The following XKR4 variants were observed in gnomAD, a reference collection of about 807,000 sequenced individuals.
XKR4 encodes XK related 4.
In XKR4, 12 loss-of-function variants were observed where a neutral mutation model predicts 53.9. The ratio of observed to expected loss-of-function variants is 0.22; its 90% CI spans 0.14 to 0.36. The LOEUF (loss-of-function observed/expected upper bound fraction) is 0.36, where lower values mean the gene tolerates loss of function less well. Ranked by LOEUF, XKR4 falls within the 10% of genes least tolerant of loss-of-function variation. The pLI is 1.00. For synonymous variants in XKR4, 354 were observed against 362.4 expected (o/e 0.98, Z 0.26); for missense variants, 799 against 859.5 (o/e 0.93, Z 0.88).
chr8:55,302,607 A>AT (rs1395034194), intron 1 of XKR4, among the ~76,000 whole-genome samples: 2 of 152,160 alleles, frequency 1.3e-5, no homozygotes, highest in Non-Finnish European at 2.9e-5. Context: ...TTTTCATGAT[A>AT]TTGATTCTTC....
At chr8:55,302,621 C>T (rs201539715) in intron 1 of XKR4, among the ~76,000 whole-genome samples, 4 of 152,128 alleles carry the variant, frequency 2.6e-5, no homozygotes, top group African/African-American at 9.7e-5. Context: ...ATTCTTCCTA[C>T]CCATGAGCAT....
chr8:55,117,106 GGTT>G (rs1816320917), intron 1 of XKR4, among the ~76,000 whole-genome samples: 1 of 152,116 alleles, frequency 6.6e-6, no homozygotes, highest in Non-Finnish European at 1.5e-5. Flanking sequence ...TAATTTTACT[GGTT>G]GTTTTTTACT....
chr8:55,366,536 A>G (rs1803991228), intron 2 of XKR4, among the ~76,000 whole-genome samples: 1 of 152,092 alleles, frequency 6.6e-6, no homozygotes, highest in Non-Finnish European at 1.5e-5. Context: ...CAGCAAGCCT[A>G]CCTTATGTCC....
intron 2 of XKR4, among the ~76,000 whole-genome samples, chr8:55,494,897 C>T (rs1806319919): frequency 6.6e-6 from 1 of 152,178 alleles, no homozygotes. Flanking sequence ...TGCCCCCAGG[C>T]TTCATGACCT....
chr8:55,416,495 C>T (rs78922092), intron 2 of XKR4, among the ~76,000 whole-genome samples: 2,000 of 152,238 alleles, frequency 0.013, 41 homozygotes, highest in African/African-American at 0.045. Flanking sequence ...AGGATCTGGC[C>T]AGATATTACT....
At chr8:55,465,837 G>C (rs974511296) in intron 2 of XKR4, among the ~76,000 whole-genome samples, 33 of 152,116 alleles carry the variant, frequency 2.2e-4, no homozygotes, top group Admixed American at 6.5e-4. Flanking sequence ...GATATGAACA[G>C]ACACTTCTCA....
intron 2 of XKR4, among the ~76,000 whole-genome samples, chr8:55,456,720 A>G (rs1156396656): frequency 1.3e-5 from 2 of 152,242 alleles, no homozygotes; most frequent in Admixed American, 6.5e-5. Flanking sequence ...TTCAGTAGAA[A>G]TATCTCAATC....
rs115132733 is a variant in XKR4, at chr8:55,423,788, A to T, written c.1006+65911A>T. On this transcript the variant is annotated intron_variant, in intron 2 of 2. Coordinates refer to ENST00000327381, the MANE Select transcript of XKR4 (RefSeq NM_052898.2). Reference sequence around the variant, plus strand: ...TTAATTAACATTTCACTGAAGTAGTAAGTGCTTTCTATTGCAAGACAGATC... The same window carrying T: ...TTAATTAACATTTCACTGAAGTAGTTAGTGCTTTCTATTGCAAGACAGATC... 6.4e-3 allele frequency among the ~76,000 whole-genome samples: 975 copies of T among 152,342 alleles called. 9 individuals are homozygous for T. Among genetic ancestry groups the T allele is most frequent in the African/African-American group, 0.022 (927 of 41,570 alleles).
chr8:55,198,062 C>A (rs1473133165), intron 1 of XKR4, among the ~76,000 whole-genome samples: 1 of 152,070 alleles, frequency 6.6e-6, no homozygotes, highest in African/African-American at 2.4e-5. Flanking sequence ...AATGTCAGGC[C>A]CTGATGCTCT....
chr8:55,206,458 T>G (rs1174523206), intron 1 of XKR4, among the ~76,000 whole-genome samples: 1 of 151,926 alleles, frequency 6.6e-6, no homozygotes, highest in Non-Finnish European at 1.5e-5. Flanking sequence ...AGGGCATATA[T>G]TAATAAAAAT....
chr8:55,314,303 C>G (rs1249583513), intron 1 of XKR4, among the ~76,000 whole-genome samples: 2 of 152,174 alleles, frequency 1.3e-5, no homozygotes, highest in African/African-American at 4.8e-5. Flanking sequence ...AGTGGTAATT[C>G]AATTACATCC....
intron 1 of XKR4, among the ~76,000 whole-genome samples, chr8:55,312,327 A>T (rs1744896290): frequency 6.6e-6 from 1 of 152,248 alleles, no homozygotes; most frequent in African/African-American, 2.4e-5. Context: ...TTGCCAACTT[A>T]TAATGACACC....
At chr8:55,510,439 A>G (rs1336791641) in intron 2 of XKR4, among the ~76,000 whole-genome samples, 3 of 152,174 alleles carry the variant, frequency 2.0e-5, no homozygotes, top group African/African-American at 7.2e-5. Context: ...TCAGATTTCC[A>G]TCATAGACAG....
chr8:55,255,456 C>A (rs1022971443), intron 1 of XKR4, among the ~76,000 whole-genome samples: 2 of 152,102 alleles, frequency 1.3e-5, no homozygotes, highest in African/African-American at 4.8e-5. Context: ...CATCCAATTA[C>A]CAAATTAATA....
intron 1 of XKR4, among the ~76,000 whole-genome samples, chr8:55,132,719 C>A (rs897215191): frequency 6.6e-6 from 1 of 152,174 alleles, no homozygotes; most frequent in Non-Finnish European, 1.5e-5. Context: ...TGGGTCCTAA[C>A]GTACTTGCCT....
At chr8:55,300,064 G>A (rs553210147) in intron 1 of XKR4, among the ~76,000 whole-genome samples, 141 of 152,300 alleles carry the variant, frequency 9.3e-4, no homozygotes, top group African/African-American at 3.1e-3. Flanking sequence ...GGAGAACCAC[G>A]AATTCATGGA....
intron 1 of XKR4, among the ~76,000 whole-genome samples, chr8:55,215,243 A>G (rs1332982007): frequency 1.3e-5 from 2 of 152,224 alleles, no homozygotes; most frequent in Admixed American, 1.3e-4. Context: ...AACTTGCCCA[A>G]ACATGTATAG....
At chr8:55,381,713 C>T (rs529175210) in intron 2 of XKR4, among the ~76,000 whole-genome samples, 1 of 152,212 alleles carries the variant, frequency 6.6e-6, no homozygotes, top group South Asian at 2.1e-4. Flanking sequence ...CCAGAAACAC[C>T]CTCATAGACA....
intron 1 of XKR4, chr8:55,164,803 CA>C: frequency 5.1e-6 from 1 of 196,992 alleles, no homozygotes; most frequent in Non-Finnish European, 1.1e-5. Flanking sequence ...CACACACACA[CA>C]CACACACACA....
Sources: gnomAD v4.1 joint callset for allele counts (sites outside exome capture counted in the v4.1 genomes callset) on GRCh38, gnomAD v4.1.1 for gene constraint, MANE v1.5 for transcripts, NCBI Gene and HGNC (gene_info 2026-07-23, HGNC 2026-07-21) for gene names.